SVEP1: variants seen among roughly 807,000 people sequenced by gnomAD.
SVEP1 encodes sushi, von Willebrand factor type A, EGF and pentraxin domain containing 1, also known as sushi, von Willebrand factor type A, EGF and pentraxin domain-containing protein 1.
SVEP1 carries 164 observed loss-of-function variants against 367.3 expected under a neutral mutation model. The ratio of observed to expected loss-of-function variants is 0.45; its 90% CI spans 0.39 to 0.51. SVEP1 has a LOEUF of 0.51. SVEP1 is among the 20% of genes least tolerant of loss of function. The pLI, the probability that SVEP1 is intolerant of heterozygous loss-of-function variation, is 0.00. For missense variants in SVEP1, 4,117 were observed against 4,425.3 expected, an observed-to-expected ratio of 0.93 and a Z score of 1.98; for synonymous variants, 1,666 against 1,611.6, an observed-to-expected ratio of 1.03 and a Z score of -0.81.
intron 27 of SVEP1, among the ~76,000 whole-genome samples, chr9:110,439,200 G>A (rs950138643): frequency 6.6e-6 from 1 of 152,040 alleles, no homozygotes; most frequent in Non-Finnish European, 1.5e-5. Context: ...TAGGGCCCAC[G>A]TGATGGGACA....
At chr9:110,417,040 T>C (rs1315853464) in intron 36 of SVEP1, among the ~76,000 whole-genome samples, 1 of 152,040 alleles carries the variant, frequency 6.6e-6, no homozygotes, top group Admixed American at 6.5e-5. Context: ...GAATTCTGAA[T>C]AGCAACATTA....
intron 24 of SVEP1, among the ~76,000 whole-genome samples, chr9:110,448,619 T>G (rs1426887562): frequency 6.6e-6 from 1 of 152,216 alleles, no homozygotes; most frequent in African/African-American, 2.4e-5. Flanking sequence ...ATAGATTCAC[T>G]TTGTCAACAA....
At position 110,369,913 on chromosome 9, in the gene SVEP1, G is replaced by C. The variant is rs763496359; in HGVS notation, c.10694+10C>G. 6.2e-6 allele frequency: 10 copies of C among 1,608,328 alleles called. No homozygotes were observed. On this transcript the variant is annotated intron_variant, in intron 47 of 47. Transcript: ENST00000374469. ...TGTTATAGGCGAACATTAGTTTTTG[G>C]TTATCTTACCTGGAACAGTTATGTC...
chr9:110,372,035 T>A (rs1827285759), intron 46 of SVEP1, among the ~76,000 whole-genome samples: 2 of 152,212 alleles, frequency 1.3e-5, no homozygotes, highest in South Asian at 2.1e-4. Context: ...TGTTTCCTGA[T>A]CGGATGCTGC....
At chr9:110,447,379 T>G (rs1828619761) in intron 24 of SVEP1, among the ~76,000 whole-genome samples, 1 of 152,228 alleles carries the variant, frequency 6.6e-6, no homozygotes, top group Non-Finnish European at 1.5e-5. Flanking sequence ...CTAAAGGCTT[T>G]TATATGTTAA....
At chr9:110,546,528 G>C (rs527326052) in intron 2 of SVEP1, among the ~76,000 whole-genome samples, 2 of 152,260 alleles carry the variant, frequency 1.3e-5, no homozygotes, top group South Asian at 4.1e-4. Context: ...AAGTTCTCAA[G>C]GCCATTCAGG....
At chr9:110,415,966 T>C (rs137943435) in intron 36 of SVEP1, among the ~76,000 whole-genome samples, 1 of 152,146 alleles carries the variant, frequency 6.6e-6, no homozygotes, top group East Asian at 1.9e-4. Flanking sequence ...ATTTACACCA[T>C]TCACTTTGTA....
At chr9:110,415,039 A>G (rs1828098511) in intron 36 of SVEP1, among the ~76,000 whole-genome samples, 1 of 152,034 alleles carries the variant, frequency 6.6e-6, no homozygotes, top group African/African-American at 2.4e-5. Flanking sequence ...ACAAATGACC[A>G]CTTACGTATT....
intron 18 of SVEP1, among the ~76,000 whole-genome samples, chr9:110,459,384 C>T (rs1224779701): frequency 6.6e-6 from 1 of 152,080 alleles, no homozygotes; most frequent in East Asian, 1.9e-4. Flanking sequence ...ATAAGTGTTT[C>T]CCAAATCATT....
At chr9:110,557,069 A>G (rs1247673201) in intron 1 of SVEP1, among the ~76,000 whole-genome samples, 1 of 152,176 alleles carries the variant, frequency 6.6e-6, no homozygotes, top group Non-Finnish European at 1.5e-5. Context: ...GTTAGTTAAT[A>G]TTTCTAATTT....
intron 5 of SVEP1, among the ~76,000 whole-genome samples, chr9:110,511,931 C>A (rs1829724251): frequency 6.6e-6 from 1 of 151,832 alleles, no homozygotes; most frequent in Non-Finnish European, 1.5e-5. Context: ...AAGTGTTCTG[C>A]CAAAAAATGA....
chr9:110,474,987 G>T (rs1475648963), intron 14 of SVEP1, among the ~76,000 whole-genome samples: 1 of 150,150 alleles, frequency 6.7e-6, no homozygotes, highest in East Asian at 1.9e-4. Context: ...TCATAGTATG[G>T]TATATATACA....
rs1345415515 is a variant in SVEP1, at chr9:110,579,650, G to A, written c.-107C>T. The A allele has an allele frequency of 1.5e-6, 2 of 1,328,696 alleles. No individual in the cohort carries two copies. Among genetic ancestry groups the A allele is most frequent in the Non-Finnish European group, 2.0e-6 (2 of 1,020,456 alleles). The allele number at this position is 1,328,696 out of a possible 1,614,324, so 82.3% of individuals were successfully genotyped here. A position where few individuals can be genotyped will look rare whatever the true frequency, so the allele number is the denominator to read the frequency against. Reference sequence around the variant, plus strand: ...GGGGCGTGCGCGGAGCTGGGCGCGGGGCAGCGGCCAAGAGCCTCAGCGCCC... The same window carrying A: ...GGGGCGTGCGCGGAGCTGGGCGCGGAGCAGCGGCCAAGAGCCTCAGCGCCC... On this transcript the variant is annotated 5_prime_UTR_variant, in exon 1 of 48. Coordinates refer to ENST00000374469, the MANE Select transcript of SVEP1 (RefSeq NM_153366.4). This position sits in a 1 kb window ranked among gnomAD's most constrained non-coding sequence, Gnocchi z 5.3.
chr9:110,519,850 G>A (rs953670152), intron 3 of SVEP1, among the ~76,000 whole-genome samples: 1 of 152,138 alleles, frequency 6.6e-6, no homozygotes, highest in East Asian at 1.9e-4. Flanking sequence ...CAAGCTATGG[G>A]GTCACTGGCA....
At chr9:110,485,349 G>A (rs12115578) in intron 9 of SVEP1, among the ~76,000 whole-genome samples, 4,300 of 152,198 alleles carry the variant, frequency 0.028, 194 homozygotes, top group African/African-American at 0.098. Context: ...ACCAAACACC[G>A]TATGTTCTCA....
At chr9:110,578,660 T>C (rs192621882) in intron 1 of SVEP1, among the ~76,000 whole-genome samples, 5 of 152,324 alleles carry the variant, frequency 3.3e-5, no homozygotes, top group East Asian at 3.9e-4. Flanking sequence ...CTCCATGTCC[T>C]ACCTTTAGAA....
At chr9:110,486,095 A>T (rs562057702) in intron 9 of SVEP1, among the ~76,000 whole-genome samples, 1 of 151,948 alleles carries the variant, frequency 6.6e-6, no homozygotes, top group East Asian at 1.9e-4. Context: ...CATCTGGCCT[A>T]TAACAGGTGC....
chr9:110,401,838 T>C (rs72764516), intron 39 of SVEP1, among the ~76,000 whole-genome samples: 40,320 of 151,828 alleles, frequency 0.27, 5,697 homozygotes, highest in South Asian at 0.33. Flanking sequence ...CTCTTGAAGA[T>C]TGTTATTCTA....
chr9:110,388,030 A>G (rs1458615725), intron 41 of SVEP1, among the ~76,000 whole-genome samples: 1 of 152,154 alleles, frequency 6.6e-6, no homozygotes, highest in East Asian at 1.9e-4. Context: ...AGCAACTCTG[A>G]GATTATCTCA....
Sources: gnomAD v4.1 joint callset for allele counts (sites outside exome capture counted in the v4.1 genomes callset) on GRCh38, gnomAD v4.1.1 for gene constraint, Gnocchi (gnomAD v3.1) non-coding constraint, MANE v1.5 for transcripts, NCBI Gene and HGNC (gene_info 2026-07-23, HGNC 2026-07-21) for gene names.